TRHDE: variants seen among roughly 807,000 people sequenced by gnomAD.
TRHDE encodes the protein thyrotropin releasing hormone degrading enzyme.
TRHDE carries 72 observed loss-of-function variants against 125.7 expected under a neutral mutation model. That is an observed-to-expected ratio of 0.57 (90% confidence interval 0.47 to 0.70). The LOEUF (loss-of-function observed/expected upper bound fraction) is 0.70, where lower values mean the gene tolerates loss of function less well. Among genes scored for constraint, TRHDE ranks in the 30% least tolerant of loss-of-function variants. TRHDE has a pLI of 0.00. For synonymous variants in TRHDE, 509 were observed against 509.1 expected (o/e 1.00, Z 0.00); for missense variants, 1,110 against 1,327.1 (o/e 0.84, Z 2.54).
intron 2 of TRHDE, among the ~76,000 whole-genome samples, chr12:72,357,936 C>A (rs187291898): frequency 6.6e-6 from 1 of 150,912 alleles, no homozygotes; most frequent in African/African-American, 2.4e-5. Flanking sequence ...AAAAAAAAGA[C>A]AACTGAAAAA....
At chr12:72,655,729 A>G (rs1046958371) in intron 17 of TRHDE, among the ~76,000 whole-genome samples, 2 of 152,232 alleles carry the variant, frequency 1.3e-5, no homozygotes, top group African/African-American at 4.8e-5. Context: ...ATATAAGTAA[A>G]AACAACTAAC....
At chr12:72,206,854 A>C (rs1030976353) in intron 2 of TRHDE, among the ~76,000 whole-genome samples, 2 of 151,802 alleles carry the variant, frequency 1.3e-5, no homozygotes, top group African/African-American at 4.8e-5. Flanking sequence ...GTTTATCTAC[A>C]TATAATAATA....
intron 12 of TRHDE, among the ~76,000 whole-genome samples, chr12:72,609,584 T>C (rs565944273): frequency 6.6e-6 from 1 of 152,288 alleles, no homozygotes; most frequent in South Asian, 2.1e-4. Context: ...ACCCAATAGG[T>C]TGTTTTTCAA....
chr12:72,569,858 G>C (rs139378006), intron 10 of TRHDE, among the ~76,000 whole-genome samples: 1 of 151,994 alleles, frequency 6.6e-6, no homozygotes, highest in Non-Finnish European at 1.5e-5. Flanking sequence ...ACTGGAATTA[G>C]TATTTATATT....
At chr12:72,607,846 T>G (rs886694998) in intron 12 of TRHDE, among the ~76,000 whole-genome samples, 3 of 152,098 alleles carry the variant, frequency 2.0e-5, no homozygotes, top group African/African-American at 7.2e-5. Context: ...TTTCCAAGCC[T>G]TTCCTCTTTT....
intron 5 of TRHDE, among the ~76,000 whole-genome samples, chr12:72,481,279 A>T (rs1230190326): frequency 1.3e-5 from 2 of 151,340 alleles, no homozygotes; most frequent in Non-Finnish European, 3.0e-5. Flanking sequence ...ATATCCCTAG[A>T]CAAGGATGCC....
intron 1 of TRHDE, among the ~76,000 whole-genome samples, chr12:72,284,937 A>C (rs922028540): frequency 1.3e-5 from 2 of 152,190 alleles, no homozygotes; most frequent in African/African-American, 4.8e-5. Flanking sequence ...TAATGAAAAA[A>C]CAGGGTCAGA....
At chr12:72,238,310 A>AATGTG (rs1394854201) in intron 2 of TRHDE, among the ~76,000 whole-genome samples, 3 of 34,826 alleles carry the variant, frequency 8.6e-5, no homozygotes, top group Non-Finnish European at 1.8e-4. Flanking sequence ...ATATATATAT[A>AATGTG]TATATATATA....
At chr12:72,196,144 G>C (rs1227904959) in intron 2 of TRHDE, among the ~76,000 whole-genome samples, 2 of 152,112 alleles carry the variant, frequency 1.3e-5, no homozygotes, top group African/African-American at 2.4e-5. Flanking sequence ...GGTATAGTTT[G>C]AAGTCATGTA....
At chr12:72,463,394 A>C (rs1284797405) in intron 3 of TRHDE, among the ~76,000 whole-genome samples, 1 of 152,240 alleles carries the variant, frequency 6.6e-6, no homozygotes. Context: ...GAATGAACTG[A>C]TAAGTTTGAG....
intron 3 of TRHDE, among the ~76,000 whole-genome samples, chr12:72,432,765 T>G (rs990373100): frequency 6.6e-5 from 10 of 152,160 alleles, no homozygotes; most frequent in Admixed American, 6.6e-5. Context: ...TCATGTCTTT[T>G]GCGAATAGGG....
At chr12:72,338,283 GT>G (rs1392378681) in intron 2 of TRHDE, among the ~76,000 whole-genome samples, 1 of 152,156 alleles carries the variant, frequency 6.6e-6, no homozygotes, top group African/African-American at 2.4e-5. Flanking sequence ...AGTGATGATT[GT>G]TTTTCTGCTT....
intron 2 of TRHDE, chr12:72,147,635 C>G (rs1238116860): frequency 6.6e-6 from 1 of 152,112 alleles, no homozygotes; most frequent in Non-Finnish European, 1.5e-5. Context: ...ACTCGAAAAG[C>G]CATTAAAAAA....
intron 2 of TRHDE, among the ~76,000 whole-genome samples, chr12:72,168,047 G>T (rs1461123726): frequency 6.6e-6 from 1 of 152,152 alleles, no homozygotes; most frequent in Non-Finnish European, 1.5e-5. Context: ...ACTAGTCATT[G>T]TATGCCATAT....
intron 12 of TRHDE, among the ~76,000 whole-genome samples, chr12:72,591,065 G>C (rs1871651688): frequency 6.6e-6 from 1 of 152,202 alleles, no homozygotes; most frequent in Non-Finnish European, 1.5e-5. Flanking sequence ...GCAAAGGCAT[G>C]TCTTACGTGG....
chr12:72,568,607 T>C lies in TRHDE; in HGVS notation c.2082T>C (p.Asn694=). Reference sequence around the variant, plus strand: ...TTCCATTAACTATTGTGGTAGGAAATAGAAGCCATGTGTCTTCAGAAGCAA... The same window carrying C: ...TTCCATTAACTATTGTGGTAGGAAACAGAAGCCATGTGTCTTCAGAAGCAA... ...WQIPLTIVVG[N]RSHVSSEAII... The change falls in exon 10 of 19, where the codon AAT becomes AAC. Residue 694 remains asparagine, a synonymous_variant. Transcript: ENST00000261180. 6.2e-7 allele frequency: 1 copy of C among 1,612,290 alleles called. No individual in the cohort carries two copies. The highest frequency in any genetic ancestry group is 8.5e-7 in the Non-Finnish European group (1 of 1,178,864).
intron 2 of TRHDE, among the ~76,000 whole-genome samples, chr12:72,304,348 G>A (rs919619863): frequency 2.6e-5 from 4 of 152,072 alleles, no homozygotes; most frequent in Non-Finnish European, 5.9e-5. Flanking sequence ...ACCACCATAA[G>A]GTGGGAACAG....
intron 2 of TRHDE, among the ~76,000 whole-genome samples, chr12:72,184,026 A>G (rs1408287020): frequency 6.6e-6 from 1 of 152,254 alleles, no homozygotes; most frequent in East Asian, 1.9e-4. Flanking sequence ...ACAAATGTTT[A>G]GGAACCACCC....
chr12:72,416,082 G>GT (rs370502795), intron 3 of TRHDE, among the ~76,000 whole-genome samples: 16 of 151,370 alleles, frequency 1.1e-4, no homozygotes, highest in East Asian at 5.8e-4. Flanking sequence ...GTTATTGCCT[G>GT]TTTTTTTTAA....
Sources: gnomAD v4.1 joint callset for allele counts (sites outside exome capture counted in the v4.1 genomes callset) on GRCh38, gnomAD v4.1.1 for gene constraint, MANE v1.5 for transcripts, NCBI Gene and HGNC (gene_info 2026-07-23, HGNC 2026-07-21) for gene names.